Variants in KCNH8 observed in about 807,000 individuals in gnomAD.
The protein encoded by KCNH8 is voltage-gated delayed rectifier potassium channel KCNH8.
KCNH8 carries 70 observed loss-of-function variants against 103.6 expected under a neutral mutation model. The observed-to-expected ratio is 0.68, with a 90% CI of 0.56 to 0.82. The LOEUF (loss-of-function observed/expected upper bound fraction) is 0.82. KCNH8 is among the 40% of genes least tolerant of loss of function. The pLI, the probability that KCNH8 is intolerant of heterozygous loss-of-function variation, is 0.00. For missense variants in KCNH8, 1,217 were observed against 1,329.9 expected (o/e 0.92, Z 1.32); for synonymous variants, 498 against 489.4 (o/e 1.02, Z -0.23).
intron 5 of KCNH8, among the ~76,000 whole-genome samples, chr3:19,387,655 G>T (rs1575001461): frequency 2.0e-5 from 3 of 152,132 alleles, no homozygotes; most frequent in Admixed American, 2.0e-4. Flanking sequence ...GTGTATCATA[G>T]ACCTAGAAAT....
At chr3:19,462,646 T>C (rs540130923) in intron 11 of KCNH8, among the ~76,000 whole-genome samples, 3 of 152,206 alleles carry the variant, frequency 2.0e-5, no homozygotes, top group Admixed American at 6.5e-5. Flanking sequence ...TCTAGTTTAA[T>C]TAGATCCCAT....
rs1297438766 is a variant in KCNH8 at position 19,456,811 on chromosome 3, A to G, written c.1869A>G (p.Gln623=). The change falls in exon 11 of 16, where the codon CAA becomes CAG. Residue 623 remains glutamine, a synonymous_variant. Transcript: ENST00000328405. ...LIGANLSIKD[Q]VIKTNADVKA... ...GAGCAAATCTATCAATTAAGGACCA[A>G]GTGATCAAGACCAATGCAGATGTAA... 6.2e-7 allele frequency: 1 copy of G among 1,612,230 alleles called. No individual in the cohort carries two copies. Among genetic ancestry groups the G allele is most frequent in the African/African-American group, 1.3e-5 (1 of 74,828 alleles).
chr3:19,492,380 T>C (rs1174645578), intron 11 of KCNH8, among the ~76,000 whole-genome samples: 1 of 152,196 alleles, frequency 6.6e-6, no homozygotes, highest in Non-Finnish European at 1.5e-5. Context: ...TCTAGTTTCA[T>C]TCTTATGCAT....
intron 15 of KCNH8, among the ~76,000 whole-genome samples, chr3:19,526,621 G>A (rs1273963191): frequency 6.6e-6 from 1 of 151,822 alleles, no homozygotes. Flanking sequence ...TGGTGTTATT[G>A]GAATAATAGG....
chr3:19,330,242 C>T (rs771582337), intron 3 of KCNH8, among the ~76,000 whole-genome samples: 3 of 152,130 alleles, frequency 2.0e-5, no homozygotes, highest in Non-Finnish European at 4.4e-5. Context: ...TAGGCTCAGA[C>T]CAGAGGCCAG....
chr3:19,450,402 C>T (rs775269666), intron 9 of KCNH8, 97 bp downstream of exon 9: 8 of 907,914 alleles, frequency 8.8e-6, no homozygotes, highest in Non-Finnish European at 1.3e-5. Context: ...GAAAAGCATA[C>T]CAACTTCTTT....
intron 3 of KCNH8, among the ~76,000 whole-genome samples, chr3:19,318,868 G>A (rs1485240055): frequency 6.6e-6 from 1 of 151,368 alleles, no homozygotes; most frequent in African/African-American, 2.4e-5. Context: ...AGGTGGTGTC[G>A]CATTGTGGTT....
At chr3:19,237,909 G>C (rs537283385) in intron 1 of KCNH8, among the ~76,000 whole-genome samples, 43 of 152,122 alleles carry the variant, frequency 2.8e-4, no homozygotes, top group African/African-American at 9.6e-4. Flanking sequence ...ATTGGATAAG[G>C]GATAAATATA....
rs1187399187 is a variant in KCNH8 at position 19,170,673 on chromosome 3, TACAC to T, written c.76+21886_76+21889del. On this transcript the variant is annotated intron_variant, in intron 1 of 15. Transcript: ENST00000328405. The stretch of plus-strand genomic sequence containing the variant: ...ACACACATATATACACACATATATA[TACAC>T]ACACACATATATACACACATATATA... 6.2e-3 allele frequency among the ~76,000 whole-genome samples: 883 copies of T among 141,312 alleles called. 6 individuals carry two copies. The highest frequency in any genetic ancestry group is 0.022 in the African/African-American group (792 of 35,636). 92.7% of individuals were successfully genotyped at this position (141,312 alleles called of 152,430 possible).
intron 3 of KCNH8, among the ~76,000 whole-genome samples, chr3:19,293,541 A>AGGAATATGCTTGGGCCAGGCGC (rs2064958377): frequency 6.6e-6 from 1 of 152,204 alleles, no homozygotes; most frequent in Non-Finnish European, 1.5e-5. Flanking sequence ...CAGTGAGCTC[A>AGGAATATGCTTGGGCCAGGCGC]GGTGACTCAC....
chr3:19,160,385 T>C (rs1342835911), intron 1 of KCNH8, among the ~76,000 whole-genome samples: 1 of 152,100 alleles, frequency 6.6e-6, no homozygotes, highest in African/African-American at 2.4e-5. Flanking sequence ...ATCACTCCTT[T>C]TAAGTGTAGA....
At chr3:19,428,186 A>T (rs1289909724) in intron 7 of KCNH8, among the ~76,000 whole-genome samples, 1 of 152,214 alleles carries the variant, frequency 6.6e-6, no homozygotes, top group African/African-American at 2.4e-5. Context: ...TAGATAGTAT[A>T]TAAAGTACTT....
chr3:19,498,913 C>G lies in KCNH8; in HGVS notation c.2041-11450C>G, dbSNP rs951297205. Among the ~76,000 whole-genome samples the G allele has an allele frequency of 1.2e-4, 19 of 152,206 alleles. No homozygotes were observed. The South Asian group carries it at 2.9e-3, about 23-fold the overall frequency. On this transcript the variant is annotated intron_variant, in intron 11 of 15. Coordinates refer to ENST00000328405, the MANE Select transcript of KCNH8 (RefSeq NM_144633.3). Reference sequence around the variant, plus strand: ...TGCTTGGGGGTCAGGGGTCAGGGACCCACTTGAGGAGGCAGTCTGCCCGTT... The same window carrying G: ...TGCTTGGGGGTCAGGGGTCAGGGACGCACTTGAGGAGGCAGTCTGCCCGTT...
chr3:19,212,404 G>T (rs925808211), intron 1 of KCNH8, among the ~76,000 whole-genome samples: 1 of 152,186 alleles, frequency 6.6e-6, no homozygotes, highest in East Asian at 1.9e-4. Flanking sequence ...TTATCTGTGT[G>T]AGCCCCACTT....
intron 14 of KCNH8, among the ~76,000 whole-genome samples, chr3:19,515,843 A>C (rs75225174): frequency 0.058 from 8,784 of 152,148 alleles, 264 homozygotes; most frequent in South Asian, 0.078. Context: ...ATATACTTGA[A>C]GTTTTCCAGA....
intron 1 of KCNH8, among the ~76,000 whole-genome samples, chr3:19,169,990 G>T (rs1206621704): frequency 6.6e-6 from 1 of 152,152 alleles, no homozygotes; most frequent in African/African-American, 2.4e-5. Flanking sequence ...ATACCAACTA[G>T]TTTGGGAAGG....
At chr3:19,465,312 C>G (rs550154436) in intron 11 of KCNH8, among the ~76,000 whole-genome samples, 2 of 152,240 alleles carry the variant, frequency 1.3e-5, no homozygotes, top group South Asian at 4.1e-4. Flanking sequence ...TCTGCCTGTA[C>G]TCTATAAATG....
At chr3:19,419,226 G>T (rs1209190167) in intron 7 of KCNH8, among the ~76,000 whole-genome samples, 2 of 128,662 alleles carry the variant, frequency 1.6e-5, no homozygotes, top group Admixed American at 8.2e-5. Flanking sequence ...TTGAGACGGA[G>T]TCTCGCTCTG....
intron 3 of KCNH8, chr3:19,314,711 G>C (rs79275824): frequency 6.5e-6 from 1 of 153,988 alleles, no homozygotes; most frequent in Non-Finnish European, 1.5e-5. Context: ...TGCTGAAACA[G>C]GTGGCCCATT....
Sources: gnomAD v4.1 joint callset for allele counts (sites outside exome capture counted in the v4.1 genomes callset) on GRCh38, gnomAD v4.1.1 for gene constraint, MANE v1.5 for transcripts, NCBI Gene and HGNC (gene_info 2026-07-23, HGNC 2026-07-21) for gene names.